ATP2A3: variants seen among roughly 807,000 people sequenced by gnomAD.
The protein encoded by ATP2A3 is sarcoplasmic/endoplasmic reticulum calcium ATPase 3.
A neutral mutation model predicts 106.8 loss-of-function variants in ATP2A3; 61 were observed. The observed-to-expected ratio is 0.57, with a 90% confidence interval of 0.46 to 0.71. The LOEUF (loss-of-function observed/expected upper bound fraction) is 0.71. ATP2A3 is among the 30% of genes least tolerant of loss of function. ATP2A3 has a pLI of 0.00. For missense variants in ATP2A3, 1,201 were observed against 1,423.5 expected (o/e 0.84, Z 2.52); for synonymous variants, 611 against 609.3 (o/e 1.00, Z -0.04).
intron 4 of ATP2A3, 38 bp downstream of exon 4, chr17:3,951,543 A>ACCCCCCCCCCCCCCCCC (rs56224024): frequency 2.9e-6 from 4 of 1,388,762 alleles, no homozygotes; most frequent in Non-Finnish European, 3.9e-6. Flanking sequence ...TGGCTGGGAG[A>ACCCCCCCCCCCCCCCCC]CCGCCCCCCG....
Position 3,928,240 on chromosome 17 carries a change from C to G in ATP2A3, c.2980+423G>C. ...ACAAGGTGATACCAAAGAGGCCAAC[C>G]CGGTGTGGTCTGGGGTCCAAGAGGT... On this transcript the variant is annotated intron_variant, in intron 20 of 20. Coordinates refer to ENST00000397041, the MANE Select transcript of ATP2A3 (RefSeq NM_005173.4). The surrounding 1 kb of genome is among the most constrained non-coding windows in gnomAD (Gnocchi z 6.1). 1 of 1,613,630 alleles carries G rather than the reference C, an allele frequency of 6.2e-7. No homozygotes were observed. The highest frequency in any genetic ancestry group is 8.5e-7 in the Non-Finnish European group (1 of 1,180,026).
chr17:3,927,876 C>T, intron 20 of ATP2A3: 2 of 1,575,464 alleles, frequency 1.3e-6, no homozygotes, highest in Non-Finnish European at 1.7e-6. Flanking sequence ...ACCCAGCTGC[C>T]CCAGTGCAGG....
At position 3,955,999 on chromosome 17, in the gene ATP2A3, A is replaced by G. The variant is rs1325953564; in HGVS notation, c.119-2289T>C. ...CAGGTTCAAGCGATTCTCCTGCCTC[A>G]GCCTCCCGGGTAGCTGGAATTACCG... is the stretch of plus-strand genomic sequence containing the variant. On this transcript the variant is annotated intron_variant, in intron 1 of 20. Transcript: ENST00000397041. This position sits in a 1 kb window ranked among gnomAD's most constrained non-coding sequence, Gnocchi z 4.2. Among the ~76,000 whole-genome samples the G allele has an allele frequency of 2.6e-5, 4 of 151,626 alleles. No individual in the cohort carries two copies. The highest frequency in any genetic ancestry group is 9.7e-5 in the African/African-American group (4 of 41,174).
intron 7 of ATP2A3, among the ~76,000 whole-genome samples, chr17:3,948,097 C>T (rs1262728341): frequency 2.6e-5 from 4 of 152,122 alleles, no homozygotes; most frequent in East Asian, 1.9e-4. Context: ...GTGCCTAGCA[C>T]GGGGCCGGGC....
chr17:3,951,317 C>T lies in ATP2A3; in HGVS notation c.397G>A (p.Asp133Asn), dbSNP rs1597652983. The change falls in exon 5 of 21, where the codon GAC becomes AAC. Residue 133 changes from aspartate (D) to asparagine (N), a missense_variant. Physicochemically the swap from Asp to Asn is conservative, Grantham distance 23. Transcript: ENST00000397041. ...CGGATCCTCTGCACGCCCTTGCGGT[C>T]CGAGCGGATCACCTTGCCCATCTCA... ...EPEMGKVIRS[D>N]RKGVQRIRAR... 6.2e-7 allele frequency: 1 copy of T among 1,613,932 alleles called. No individual in the cohort carries two copies. The highest frequency in any genetic ancestry group is 8.5e-7 in the Non-Finnish European group (1 of 1,180,024).
At chr17:3,942,809 C>T in intron 11 of ATP2A3, 78 bp from the exon 12 acceptor site, 1 of 1,592,430 alleles carries the variant, frequency 6.3e-7, no homozygotes, top group Non-Finnish European at 8.5e-7. Context: ...CTGCTTGGCC[C>T]CAAGAGAGCC....
At chr17:3,951,496 C>G in intron 4 of ATP2A3, 85 bp downstream of exon 4, 1 of 1,579,382 alleles carries the variant, frequency 6.3e-7, no homozygotes, top group South Asian at 1.1e-5. Context: ...GCAGGAGAGT[C>G]TGCAGGACGC....
rs1450356642 is a variant in ATP2A3, at chr17:3,929,245, AG to A, written c.2862+82del. The A allele has an allele frequency of 1.2e-5, 15 of 1,276,194 alleles. No individual in the cohort carries two copies. Among genetic ancestry groups the A allele is most frequent in the Non-Finnish European group, 1.6e-5 (15 of 911,440 alleles). The allele number at this position is 1,276,194 out of a possible 1,614,324, so 79.1% of individuals were successfully genotyped here. ...CTCTCCTCCAGGTAGTTTCCATTGC[AG>A]GGGGGCCAGAGAGGTCCAGTGACCA... On this transcript the variant is annotated intron_variant, in intron 19 of 20. Transcript: ENST00000397041. This position sits in a 1 kb window ranked among gnomAD's most constrained non-coding sequence, Gnocchi z 4.3.
chr17:3,925,054 G>A lies in ATP2A3; in HGVS notation c.*368C>T. 2 of 465,084 alleles carry A rather than the reference G, an allele frequency of 4.3e-6. 1 individual carries two copies. The highest frequency in any genetic ancestry group is 8.0e-6 in the Non-Finnish European group (2 of 250,828). The allele number at this position is 465,084 out of a possible 1,614,324, so 28.8% of individuals were successfully genotyped here. On this transcript the variant is annotated 3_prime_UTR_variant, in exon 21 of 21. Transcript: ENST00000397041. This position sits in a 1 kb window ranked among gnomAD's most constrained non-coding sequence, Gnocchi z 4.2. ...GAACGTCCAGCTTCCGAACAAGGGGGAGCAAGCTCCAGCTGCACTCGTGAT... is the reference window on the plus strand; with the variant it reads ...GAACGTCCAGCTTCCGAACAAGGGGAAGCAAGCTCCAGCTGCACTCGTGAT...
Position 3,936,721 on chromosome 17 carries a change from T to TACACACAC in ATP2A3, c.2322-260_2322-253dup, listed in dbSNP as rs57648128. On this transcript the variant is annotated intron_variant, in intron 15 of 20. Coordinates refer to ENST00000397041, the MANE Select transcript of ATP2A3 (RefSeq NM_005173.4). The surrounding 1 kb of genome is among the most constrained non-coding windows in gnomAD (Gnocchi z 5.4). The stretch of plus-strand genomic sequence containing the variant: ...CTCTTTAGGCCTAGCAGAGGCCAAG[T>TACACACAC]ACACACACACACACACACACACACA... 294 of 408,458 alleles carry TACACACAC rather than the reference T, an allele frequency of 7.2e-4. 2 individuals are homozygous for TACACACAC. Among genetic ancestry groups the TACACACAC allele is most frequent in the African/African-American group, 5.1e-3 (244 of 47,410 alleles). 25.3% of individuals were successfully genotyped at this position (408,458 alleles called of 1,614,324 possible).
intron 15 of ATP2A3, chr17:3,937,195 G>C: frequency 3.4e-6 from 2 of 594,840 alleles, no homozygotes; most frequent in Non-Finnish European, 6.0e-6. Flanking sequence ...GCACCTCCGT[G>C]GGTGCTGGGG....
At chr17:3,945,557 G>A (rs915371472) in intron 8 of ATP2A3, among the ~76,000 whole-genome samples, 9 of 152,188 alleles carry the variant, frequency 5.9e-5, no homozygotes, top group African/African-American at 1.7e-4. Context: ...TGCCTTCAAG[G>A]AAATGAGTTC....
chr17:3,958,899 T>TG (rs200008436), intron 1 of ATP2A3, among the ~76,000 whole-genome samples: 1 of 109,260 alleles, frequency 9.2e-6, no homozygotes, highest in East Asian at 3.3e-4. Flanking sequence ...TATATATATA[T>TG]TGTTTTTTTT....
chr17:3,931,492 G>C (rs2144277653), intron 17 of ATP2A3, among the ~76,000 whole-genome samples: 1 of 151,930 alleles, frequency 6.6e-6, no homozygotes, highest in South Asian at 2.1e-4. Flanking sequence ...CCTGCTCTTG[G>C]GAGTCTAATC....
chr17:3,959,724 G>T (rs2055033620), intron 1 of ATP2A3, among the ~76,000 whole-genome samples: 1 of 152,260 alleles, frequency 6.6e-6, no homozygotes. Flanking sequence ...GACCCGCCCA[G>T]CCCACCTGGC....
At chr17:3,937,695 C>A in intron 14 of ATP2A3, 59 bp from the exon 15 acceptor site, 1 of 1,539,482 alleles carries the variant, frequency 6.5e-7, no homozygotes. Context: ...CTCCCCATCT[C>A]TTCTCAACTC....
intron 1 of ATP2A3, among the ~76,000 whole-genome samples, chr17:3,960,984 C>T (rs1039066802): frequency 1.3e-5 from 2 of 152,248 alleles, no homozygotes; most frequent in Admixed American, 6.5e-5. Context: ...AAAAGCCGCA[C>T]GCCGAAATGC....
rs2144644782 is a variant in ATP2A3, at chr17:3,951,288, G to A, written c.426C>T (p.Ala142=). 6.2e-7 allele frequency: 1 copy of A among 1,613,796 alleles called. No homozygotes were observed. Among genetic ancestry groups the A allele is most frequent in the Non-Finnish European group, 8.5e-7 (1 of 1,179,978 alleles). ...SDRKGVQRIR[A]RDIVPGDIVE... ...CAATGTCCCCTGGGACGATGTCCCG[G>A]GCACGGATCCTCTGCACGCCCTTGC... Residue 142 remains alanine (A), a synonymous_variant, in exon 5 of 21, where the codon GCC becomes GCT. Transcript: ENST00000397041.
intron 1 of ATP2A3, among the ~76,000 whole-genome samples, chr17:3,963,473 C>T (rs2055250565): frequency 6.6e-6 from 1 of 152,250 alleles, no homozygotes; most frequent in Non-Finnish European, 1.5e-5. Flanking sequence ...ATCCCACACT[C>T]CTTTGAAGGA....
Sources: gnomAD v4.1 joint callset for allele counts (sites outside exome capture counted in the v4.1 genomes callset) on GRCh38, gnomAD v4.1.1 for gene constraint, Gnocchi (gnomAD v3.1) non-coding constraint, MANE v1.5 for transcripts, NCBI Gene and HGNC (gene_info 2026-07-23, HGNC 2026-07-21) for gene names.